Variants in SEMA6D observed in about 807,000 individuals in gnomAD.
SEMA6D encodes the protein semaphorin-6D.
A neutral mutation model predicts 106.6 loss-of-function variants in SEMA6D; 35 were observed. That is an observed-to-expected ratio of 0.33 (90% CI 0.25 to 0.44). The LOEUF is 0.44. SEMA6D is among the 20% of genes least tolerant of loss of function. SEMA6D has a pLI of 1.00. For missense variants in SEMA6D, 1,185 were observed against 1,345.9 expected (o/e 0.88, Z 1.87); for synonymous variants, 499 against 487.7 (o/e 1.02, Z -0.31).
intron 3 of SEMA6D, among the ~76,000 whole-genome samples, chr15:47,572,307 A>G (rs1321436226): frequency 2.0e-5 from 3 of 152,222 alleles, no homozygotes; most frequent in African/African-American, 7.2e-5. Context: ...AGCTATTTTT[A>G]TATAATAAAT....
intron 1 of SEMA6D, among the ~76,000 whole-genome samples, chr15:47,756,637 T>C (rs2081757724): frequency 1.3e-5 from 2 of 152,204 alleles, no homozygotes; most frequent in African/African-American, 4.8e-5. Flanking sequence ...CATGTTTTTT[T>C]CCAACATTTC....
At chr15:47,711,052 G>T (rs1343579842) in intron 4 of SEMA6D, among the ~76,000 whole-genome samples, 2 of 152,088 alleles carry the variant, frequency 1.3e-5, no homozygotes, top group Non-Finnish European at 2.9e-5. Flanking sequence ...GCTCACGCCT[G>T]TAATCCCAGC....
intron 1 of SEMA6D, chr15:47,397,457 C>T (rs949543212): frequency 3.9e-5 from 6 of 151,954 alleles, no homozygotes; most frequent in African/African-American, 1.5e-4. Context: ...TTACATATAA[C>T]AGGTGCTAAA....
intron 4 of SEMA6D, among the ~76,000 whole-genome samples, chr15:47,632,169 C>T (rs1007989284): frequency 5.3e-5 from 8 of 151,920 alleles, no homozygotes; most frequent in African/African-American, 1.9e-4. Flanking sequence ...AGAGAACACA[C>T]TCTGTATGAT....
intron 4 of SEMA6D, among the ~76,000 whole-genome samples, chr15:47,677,632 C>G (rs751258478): frequency 6.6e-6 from 1 of 152,142 alleles, no homozygotes; most frequent in Non-Finnish European, 1.5e-5. Context: ...CCTGTTTGAC[C>G]TTGGTTTAGA....
chr15:47,549,782 T>C (rs973453598), intron 3 of SEMA6D, among the ~76,000 whole-genome samples: 3 of 152,196 alleles, frequency 2.0e-5, no homozygotes, highest in Non-Finnish European at 2.9e-5. Context: ...CAAACCTTCC[T>C]GTTTCTGAGT....
At chr15:47,464,643 C>T (rs2042607362) in intron 2 of SEMA6D, among the ~76,000 whole-genome samples, 1 of 152,050 alleles carries the variant, frequency 6.6e-6, no homozygotes, top group Admixed American at 6.6e-5. Flanking sequence ...TTAGTCAAGC[C>T]CTCAAGGAGC....
At chr15:47,742,365 A>G (rs1443981166) in intron 1 of SEMA6D, among the ~76,000 whole-genome samples, 1 of 152,022 alleles carries the variant, frequency 6.6e-6, no homozygotes, top group East Asian at 1.9e-4. Flanking sequence ...AGGTGAGGTA[A>G]GGAGGGAGGT....
chr15:47,519,227 T>G (rs1332113768), intron 3 of SEMA6D, among the ~76,000 whole-genome samples: 3 of 152,208 alleles, frequency 2.0e-5, no homozygotes, highest in Non-Finnish European at 4.4e-5. Flanking sequence ...TACACGTAAT[T>G]GTATGCATTA....
chr15:47,425,738 T>C (rs1279104646), intron 2 of SEMA6D, among the ~76,000 whole-genome samples: 2 of 151,302 alleles, frequency 1.3e-5, no homozygotes, highest in Admixed American at 6.6e-5. Flanking sequence ...TGGCATGATA[T>C]CAGCTCACTG....
intron 1 of SEMA6D, among the ~76,000 whole-genome samples, chr15:47,346,516 G>A (rs1484500020): frequency 6.6e-6 from 1 of 152,136 alleles, no homozygotes; most frequent in Non-Finnish European, 1.5e-5. Context: ...ATGACTGGAA[G>A]TTCAATTACC....
intron 2 of SEMA6D, among the ~76,000 whole-genome samples, chr15:47,447,724 A>G (rs967076537): frequency 6.6e-6 from 1 of 152,136 alleles, no homozygotes; most frequent in African/African-American, 2.4e-5. Context: ...AGGAGGGGGC[A>G]GTGGGAACCC....
chr15:47,312,918 G>A (rs980519091), intron 1 of SEMA6D, among the ~76,000 whole-genome samples: 2 of 152,094 alleles, frequency 1.3e-5, no homozygotes, highest in African/African-American at 4.8e-5. Context: ...GGATTGGACA[G>A]CAGAACTTTA....
At chr15:47,497,376 T>G (rs947377307) in intron 3 of SEMA6D, among the ~76,000 whole-genome samples, 1 of 152,070 alleles carries the variant, frequency 6.6e-6, no homozygotes, top group South Asian at 2.1e-4. Flanking sequence ...ATTTCTTTGT[T>G]CCTTCCCTTC....
At chr15:47,755,653 CT>C (rs894139884) in intron 1 of SEMA6D, among the ~76,000 whole-genome samples, 5 of 151,706 alleles carry the variant, frequency 3.3e-5, no homozygotes, top group African/African-American at 1.2e-4. Flanking sequence ...TTCTCCTCTT[CT>C]AGAGTGTAGC....
intron 4 of SEMA6D, among the ~76,000 whole-genome samples, chr15:47,617,559 T>C (rs766491567): frequency 1.5e-4 from 23 of 152,218 alleles, no homozygotes; most frequent in Non-Finnish European, 2.6e-4. Context: ...GGTTTGGTTC[T>C]GTTTCTTTGT....
chr15:47,643,142 G>A (rs1485008594), intron 4 of SEMA6D, among the ~76,000 whole-genome samples: 2 of 152,204 alleles, frequency 1.3e-5, no homozygotes, highest in Non-Finnish European at 2.9e-5. Context: ...TTATATGTGA[G>A]ATGTCTTTTT....
chr15:47,495,099 T>C (rs1489465685), intron 3 of SEMA6D, among the ~76,000 whole-genome samples: 1 of 151,752 alleles, frequency 6.6e-6, no homozygotes, highest in East Asian at 1.9e-4. Context: ...GGACTAAGTT[T>C]CTGATGCCTC....
intron 1 of SEMA6D, among the ~76,000 whole-genome samples, chr15:47,195,180 A>AG (rs1331908330): frequency 6.6e-6 from 1 of 152,150 alleles, no homozygotes; most frequent in African/African-American, 2.4e-5. Flanking sequence ...GGGACAGTGG[A>AG]GAAAAAAAGA....
Sources: allele counts gnomAD v4.1 joint callset (sites outside exome capture counted in the v4.1 genomes callset), GRCh38; gene constraint gnomAD v4.1.1; transcripts MANE v1.5; gene names NCBI Gene and HGNC (gene_info 2026-07-23, HGNC 2026-07-21).